Variants in NTM observed in about 807,000 individuals in gnomAD.
NTM encodes IgLON family member 2.
A neutral mutation model predicts 42.1 loss-of-function variants in NTM; 13 were observed. That is an observed-to-expected ratio of 0.31 (90% CI 0.20 to 0.49). The LOEUF (loss-of-function observed/expected upper bound fraction) is 0.49. Ranked by LOEUF, NTM falls within the 20% of genes least tolerant of loss-of-function variation. NTM has a pLI of 0.99. For synonymous variants in NTM, 187 were observed against 179.2 expected (o/e 1.04, Z -0.35); for missense variants, 373 against 452.8 (o/e 0.82, Z 1.60).
chr11:131,740,300 A>C (rs942074059), intron 1 of NTM, among the ~76,000 whole-genome samples: 2 of 152,164 alleles, frequency 1.3e-5, no homozygotes, highest in African/African-American at 4.8e-5. Context: ...TGCCTGTCTC[A>C]AGGGGTGTTG....
At chr11:132,103,284 C>T (rs1591528047) in intron 2 of NTM, among the ~76,000 whole-genome samples, 1 of 152,196 alleles carries the variant, frequency 6.6e-6, no homozygotes, top group Admixed American at 6.5e-5. Context: ...TTGGGGTCCA[C>T]GGTGGCTCCA....
At chr11:131,645,250 C>T (rs2065630034) in intron 1 of NTM, among the ~76,000 whole-genome samples, 1 of 152,092 alleles carries the variant, frequency 6.6e-6, no homozygotes, top group South Asian at 2.1e-4. Context: ...ATGACAAGGC[C>T]CTGCACTTGA....
At chr11:132,316,472 C>A (rs2095432648) in intron 7 of NTM, among the ~76,000 whole-genome samples, 1 of 152,106 alleles carries the variant, frequency 6.6e-6, no homozygotes, top group Admixed American at 6.5e-5. Flanking sequence ...CCAGGGTTTT[C>A]TAAAAAGGAC....
At chr11:132,106,104 C>T (rs544939762) in intron 2 of NTM, among the ~76,000 whole-genome samples, 2 of 152,238 alleles carry the variant, frequency 1.3e-5, no homozygotes, top group Admixed American at 6.5e-5. Context: ...TTACATGTTC[C>T]CTGAAGCTGA....
At chr11:131,679,801 G>A (rs1428567051) in intron 1 of NTM, among the ~76,000 whole-genome samples, 5 of 152,084 alleles carry the variant, frequency 3.3e-5, no homozygotes, top group African/African-American at 1.2e-4. Context: ...AGAGAGCTGG[G>A]TTCTGACGGC....
At chr11:132,038,508 A>G (rs2076779447) in intron 2 of NTM, among the ~76,000 whole-genome samples, 1 of 152,070 alleles carries the variant, frequency 6.6e-6, no homozygotes. Context: ...TCTAAGGCTC[A>G]GTTTCCCTGA....
At chr11:132,323,228 G>A (rs1449511913) in intron 7 of NTM, among the ~76,000 whole-genome samples, 97 of 149,080 alleles carry the variant, frequency 6.5e-4, no homozygotes, top group Middle Eastern at 3.4e-3. Flanking sequence ...TCAAAAAATT[G>A]ATGAATCCAG....
At chr11:132,108,817 C>T (rs1451249362) in intron 2 of NTM, among the ~76,000 whole-genome samples, 1 of 152,096 alleles carries the variant, frequency 6.6e-6, no homozygotes, top group Non-Finnish European at 1.5e-5. Context: ...AACTCATCAT[C>T]TACGTTAGAT....
chr11:131,839,205 G>T (rs142577549), intron 1 of NTM, among the ~76,000 whole-genome samples: 1 of 151,804 alleles, frequency 6.6e-6, no homozygotes, highest in African/African-American at 2.4e-5. Flanking sequence ...CAGGTGATCC[G>T]CCCGCCTCGG....
At position 131,982,199 on chromosome 11, in the gene NTM, G is replaced by A. The variant is rs537919103; in HGVS notation, c.167+70551G>A. Reference sequence around the variant, plus strand: ...GGGTGGAGGGAGGGGGGACTTGGAGGCAGCAACACACTGTTCTCATGGGAA... The same window carrying A: ...GGGTGGAGGGAGGGGGGACTTGGAGACAGCAACACACTGTTCTCATGGGAA... On this transcript the variant is annotated intron_variant, in intron 2 of 8. Transcript: ENST00000683400. Among the ~76,000 whole-genome samples, 5 of 152,228 alleles carry A rather than the reference G, an allele frequency of 3.3e-5. No individual in the cohort carries two copies. In the South Asian group the frequency reaches 6.2e-4, roughly 19 times the overall value.
At chr11:132,056,620 C>G (rs2079713238) in intron 2 of NTM, among the ~76,000 whole-genome samples, 1 of 152,226 alleles carries the variant, frequency 6.6e-6, no homozygotes, top group Non-Finnish European at 1.5e-5. Context: ...GAATCAGACT[C>G]TCTTGGACTC....
At chr11:132,100,929 A>T (rs889149377) in intron 2 of NTM, among the ~76,000 whole-genome samples, 1 of 152,244 alleles carries the variant, frequency 6.6e-6, no homozygotes. Context: ...CCATTCAGTT[A>T]TCAAAGCATT....
intron 1 of NTM, among the ~76,000 whole-genome samples, chr11:131,789,981 A>AAAAAT (rs2090695137): frequency 6.7e-6 from 1 of 148,536 alleles, no homozygotes; most frequent in African/African-American, 2.5e-5. Context: ...AAAAAAAAAA[A>AAAAAT]GCATGCTTCT....
chr11:132,303,797 CTGCAGCAGT>C (rs2094962639), intron 4 of NTM, among the ~76,000 whole-genome samples: 1 of 151,432 alleles, frequency 6.6e-6, no homozygotes, highest in Admixed American at 6.6e-5. Context: ...GGCAGGAGAG[CTGCAGCAGT>C]GGCAGTGGTG....
At chr11:131,410,807 A>G (rs1246223291) in intron 1 of NTM, among the ~76,000 whole-genome samples, 2 of 152,196 alleles carry the variant, frequency 1.3e-5, no homozygotes, top group African/African-American at 4.8e-5. Flanking sequence ...TTGGAACGCT[A>G]AACATGTGGG....
At chr11:131,857,745 A>G (rs1442028137) in intron 1 of NTM, among the ~76,000 whole-genome samples, 1 of 151,980 alleles carries the variant, frequency 6.6e-6, no homozygotes. Flanking sequence ...ATCCTGGCCT[A>G]TTATTTCTTG....
At chr11:131,406,535 C>T (rs1360403060) in intron 1 of NTM, among the ~76,000 whole-genome samples, 1 of 152,192 alleles carries the variant, frequency 6.6e-6, no homozygotes, top group African/African-American at 2.4e-5. Flanking sequence ...TCTTGGATAA[C>T]ACCAAAACCT....
At chr11:131,973,101 TAA>T (rs984690149) in intron 2 of NTM, among the ~76,000 whole-genome samples, 10 of 152,230 alleles carry the variant, frequency 6.6e-5, no homozygotes, top group Admixed American at 2.6e-4. Flanking sequence ...CCACTTTCCC[TAA>T]AGAGTGTTCT....
chr11:131,808,096 T>C (rs2092588525), intron 1 of NTM, among the ~76,000 whole-genome samples: 1 of 152,206 alleles, frequency 6.6e-6, no homozygotes, highest in South Asian at 2.1e-4. Context: ...GGTGACTCAC[T>C]GGGTCACCAG....
Sources: allele counts gnomAD v4.1 joint callset (sites outside exome capture counted in the v4.1 genomes callset), GRCh38; gene constraint gnomAD v4.1.1; transcripts MANE v1.5; gene names NCBI Gene and HGNC (gene_info 2026-07-23, HGNC 2026-07-21).